Variants in NOXRED1 observed in about 807,000 individuals in gnomAD.
NOXRED1 encodes NADP-dependent oxidoreductase domain-containing protein 1.
A neutral mutation model predicts 30.4 loss-of-function variants in NOXRED1; 20 were observed. The observed-to-expected ratio is 0.66, with a 90% confidence interval of 0.46 to 0.96. The LOEUF (loss-of-function observed/expected upper bound fraction) is 0.96. Ranked by LOEUF, NOXRED1 falls within the 40% of genes least tolerant of loss-of-function variation. The pLI is 0.00. For missense variants in NOXRED1, 374 were observed against 428.0 expected (o/e 0.87, Z 1.11); for synonymous variants, 155 against 168.0 (o/e 0.92, Z 0.60).
rs376312039 is a variant in NOXRED1 at position 77,422,910 on chromosome 14, C to T, written c.-21G>A. 23 of 1,603,406 alleles carry T rather than the reference C, an allele frequency of 1.4e-5. No individual in the cohort carries two copies. Among genetic ancestry groups the T allele is most frequent in the African/African-American group, 8.1e-5 (6 of 74,368 alleles). On this transcript the variant is annotated 5_prime_UTR_variant, in exon 1 of 6. Coordinates refer to ENST00000380835, the MANE Select transcript of NOXRED1 (RefSeq NM_001113475.3). ...TCCATTTCCAAGCCACTATTTCCTG[C>T]AGTGATAGACACTAATCAATTTGGC...
At chr14:77,408,362 AT>A (rs1007438859) in intron 2 of NOXRED1, among the ~76,000 whole-genome samples, 4 of 151,726 alleles carry the variant, frequency 2.6e-5, no homozygotes, top group Non-Finnish European at 5.9e-5. Context: ...TGCCCAGCTA[AT>A]TTTTTTATTT....
chr14:77,400,443 G>C (rs1237491370), intron 5 of NOXRED1, among the ~76,000 whole-genome samples: 7 of 152,200 alleles, frequency 4.6e-5, no homozygotes, highest in Admixed American at 4.6e-4. Flanking sequence ...AGGAGGTTCT[G>C]ATGACATGTG....
intron 1 of NOXRED1, among the ~76,000 whole-genome samples, chr14:77,416,047 C>T (rs1189864566): frequency 1.3e-5 from 2 of 152,090 alleles, no homozygotes; most frequent in Non-Finnish European, 2.9e-5. Context: ...CTCTCCCCAG[C>T]CCCTGGAAAC....
chr14:77,412,666 C>G (rs1042258134), intron 2 of NOXRED1, among the ~76,000 whole-genome samples: 10 of 152,092 alleles, frequency 6.6e-5, no homozygotes, highest in African/African-American at 2.4e-4. Flanking sequence ...GAACCCACCA[C>G]TACACCTGGC....
intron 5 of NOXRED1, among the ~76,000 whole-genome samples, chr14:77,398,147 C>T (rs748116231): frequency 6.6e-6 from 1 of 152,018 alleles, no homozygotes; most frequent in Non-Finnish European, 1.5e-5. Context: ...ATAGGGAACC[C>T]GGAACTGTAA....
chr14:77,403,649 C>A (rs1181386161), intron 5 of NOXRED1, among the ~76,000 whole-genome samples: 1 of 151,768 alleles, frequency 6.6e-6, no homozygotes, highest in African/African-American at 2.4e-5. Context: ...CAGAGTAAGA[C>A]CCTCTATCAA....
In NOXRED1 at chr14:77,397,774, C is replaced by T. The variant is rs565051241; in HGVS notation, c.906-2969G>A. 1.2e-3 allele frequency among the ~76,000 whole-genome samples: 175 copies of T among 150,882 alleles called. 1 individual carries two copies. Among genetic ancestry groups the T allele is most frequent in the Non-Finnish European group, 2.0e-3 (135 of 67,872 alleles). ...CTTACTGGCTGTAATCCTAGCTACTCAGGAGGCAGAGGCAGGAGAATTGTT... is the reference window on the plus strand; with the variant it reads ...CTTACTGGCTGTAATCCTAGCTACTTAGGAGGCAGAGGCAGGAGAATTGTT... On this transcript the variant is annotated intron_variant, in intron 5 of 5. Coordinates refer to ENST00000380835, the MANE Select transcript of NOXRED1 (RefSeq NM_001113475.3).
chr14:77,418,762 C>G (rs750864748), intron 1 of NOXRED1, among the ~76,000 whole-genome samples: 5 of 151,942 alleles, frequency 3.3e-5, no homozygotes, highest in African/African-American at 4.8e-5. Context: ...CACCTAAGCC[C>G]AAGCAATTCT....
At position 77,414,002 on chromosome 14, in the gene NOXRED1, G is replaced by T. The variant is rs1294007090; in HGVS notation, c.281C>A (p.Thr94Lys). Residue 94 changes from threonine (T) to lysine (K), a missense_variant, in exon 2 of 6, where the codon ACA becomes AAA. Thr to Lys is a moderately conservative substitution (Grantham distance 78). Transcript: ENST00000380835. ...GGHLGKQLAG[T>K]LLQLGPIPAE... ...AGGGATGGGGCCAAGCTGCAGCAGT[G>T]TGCCAGCCAGCTGCTTCCCAAGGTG... The T allele has an allele frequency of 1.9e-6, 3 of 1,611,962 alleles. No homozygotes were observed. In the Admixed American group the frequency reaches 5.0e-5, roughly 27 times the overall value.
At position 77,406,927 on chromosome 14, in the gene NOXRED1, C is replaced by T. The variant is rs142148695; in HGVS notation, c.531-52G>A. ...GCAATGCCAGGACTGGAATAAATGA[C>T]GACATAACCCACTGTGTTTACATCC... is the stretch of plus-strand genomic sequence containing the variant. On this transcript the variant is annotated intron_variant, in intron 3 of 5. Coordinates refer to ENST00000380835, the MANE Select transcript of NOXRED1 (RefSeq NM_001113475.3). 2.4e-4 allele frequency: 366 copies of T among 1,522,928 alleles called. 1 individual carries two copies. Among genetic ancestry groups the T allele is most frequent in the Middle Eastern group, 1.0e-3 (5 of 4,934 alleles). 94.3% of individuals were successfully genotyped at this position (1,522,928 alleles called of 1,614,324 possible). A position where few individuals can be genotyped will look rare whatever the true frequency, so the allele number is the denominator to read the frequency against.
At chr14:77,406,984 A>C in intron 3 of NOXRED1, 109 bp from the exon 4 acceptor site, 20 of 948,986 alleles carry the variant, frequency 2.1e-5, no homozygotes, top group Non-Finnish European at 2.9e-5. Context: ...CACACAGCTC[A>C]GAGATAAATG....
intron 1 of NOXRED1, 22 bp from the exon 2 acceptor site, chr14:77,414,149 A>G (rs2139690669): frequency 6.7e-7 from 1 of 1,482,412 alleles, no homozygotes; most frequent in East Asian, 2.3e-5. Flanking sequence ...ACACACAGAC[A>G]CGTACATAAA....
rs780043773 is a variant in NOXRED1 at position 77,405,898 on chromosome 14, G to C, written c.905+15C>G. 1 of 1,507,560 alleles carries C rather than the reference G, an allele frequency of 6.6e-7. No homozygotes were observed. Among genetic ancestry groups the C allele is most frequent in the South Asian group, 1.1e-5 (1 of 88,836 alleles). The allele number at this position is 1,507,560 out of a possible 1,614,324, so 93.4% of individuals were successfully genotyped here. A position where few individuals can be genotyped will look rare whatever the true frequency, so the allele number is the denominator to read the frequency against. ...CTGGGAGAAATGAGAATGGCCAGCT[G>C]TCCAATGCCCTTACCTTTCCTGAGA... On this transcript the variant is annotated intron_variant, in intron 5 of 5. Transcript: ENST00000380835.
chr14:77,412,751 G>T (rs1009034947), intron 2 of NOXRED1, among the ~76,000 whole-genome samples: 14 of 152,116 alleles, frequency 9.2e-5, no homozygotes, highest in Admixed American at 1.3e-4. Context: ...GACCTCAGGT[G>T]ATCTGCCCAC....
Position 77,394,700 on chromosome 14 carries a change from G to A in NOXRED1, c.1011C>T (p.Tyr337=). 6.2e-7 allele frequency: 1 copy of A among 1,613,382 alleles called. No individual in the cohort carries two copies. Residue 337 remains tyrosine (Y), a synonymous_variant, in exon 6 of 6, where the codon TAC becomes TAT. Transcript: ENST00000380835. ...PVLQDHLTHL[Y]CASFGISLTK... ...TTAGGGAGATGCCAAATGAAGCACA[G>A]TATAGATGGGTAAGGTGGTCTTGGA...
At position 77,406,833 on chromosome 14, in the gene NOXRED1, C is replaced by CT. The variant is rs1566708906; in HGVS notation, c.572dup (p.Tyr192ValfsTer4). The CT allele has an allele frequency of 1.2e-6, 2 of 1,614,116 alleles. No individual in the cohort carries two copies. The highest frequency in any genetic ancestry group is 1.7e-6 in the Non-Finnish European group (2 of 1,180,004). The stretch of plus-strand genomic sequence containing the variant: ...TGACAGAATCTTCATCATACTGATA[C>CT]TGAGGCCGCAAGATATTGGTGTGGT... On this transcript the variant is annotated frameshift_variant, in exon 4 of 6. Transcript: ENST00000380835. LOFTEE classifies it high-confidence loss of function.
chr14:77,406,344 G>A (rs1594872293), intron 4 of NOXRED1: 3 of 598,158 alleles, frequency 5.0e-6, no homozygotes, highest in South Asian at 2.1e-5. Context: ...CCCAAAAGTG[G>A]ACAGATACAA....
intron 1 of NOXRED1, among the ~76,000 whole-genome samples, chr14:77,422,003 T>C (rs185820455): frequency 9.8e-4 from 149 of 152,354 alleles, no homozygotes; most frequent in African/African-American, 3.5e-3. Context: ...GTAAATTCAC[T>C]GAGAAGCCTG....
intron 1 of NOXRED1, among the ~76,000 whole-genome samples, chr14:77,417,386 G>A (rs1894858287): frequency 6.6e-6 from 1 of 151,466 alleles, no homozygotes; most frequent in South Asian, 2.1e-4. Context: ...ATTGAAAGTT[G>A]GGTATTAAAA....
Sources: allele counts gnomAD v4.1 joint callset (sites outside exome capture counted in the v4.1 genomes callset), GRCh38; gene constraint gnomAD v4.1.1; transcripts MANE v1.5; gene names NCBI Gene and HGNC (gene_info 2026-07-23, HGNC 2026-07-21).